KLF8: variants seen among roughly 807,000 people sequenced by gnomAD.
KLF8 encodes KLF transcription factor 8, also known as Krueppel-like factor 8.
In KLF8, 10 loss-of-function variants were observed where a neutral mutation model predicts 18.2. The observed-to-expected ratio is 0.55, with a 90% CI of 0.34 to 0.93. The LOEUF (loss-of-function observed/expected upper bound fraction) is 0.93. Ranked by LOEUF, KLF8 falls within the 40% of genes least tolerant of loss-of-function variation. The probability of loss-of-function intolerance (pLI) is 0.02; values close to 1 mark genes in which losing one functional copy is unlikely to be tolerated. For missense variants in KLF8, 264 were observed against 277.9 expected (o/e 0.95, Z 0.36); for synonymous variants, 109 against 97.3 (o/e 1.12, Z -0.71).
intron 1 of KLF8, chrX:56,243,263 C>T (rs780595390): frequency 5.1e-4 from 218 of 430,788 alleles, no homozygotes; most frequent in African/African-American, 4.7e-3. Context: ...TGACTTGGGC[C>T]GCTGGAAGGT....
chrX:56,095,833 C>T, the KLF8 span, among the ~76,000 whole-genome samples: 13 of 111,344 alleles, frequency 1.2e-4, no homozygotes, highest in Admixed American at 1.1e-3. Flanking sequence ...AAAAGGAATA[C>T]TTATACTCTG....
the KLF8 span, chrX:55,962,225 AGCATG>A: frequency 1.7e-5 from 3 of 175,609 alleles, no homozygotes; most frequent in Admixed American, 1.9e-4. Context: ...AGAAGTGAAA[AGCATG>A]GCCAACCACA....
chrX:56,086,833 A>G, the KLF8 span, among the ~76,000 whole-genome samples: 1 of 111,249 alleles, frequency 9.0e-6, no homozygotes, highest in Non-Finnish European at 1.9e-5. Flanking sequence ...GGCAATCAGC[A>G]CTAAGATGTA....
the KLF8 span, among the ~76,000 whole-genome samples, chrX:55,945,237 A>C: frequency 4.5e-5 from 5 of 110,072 alleles, no homozygotes; most frequent in African/African-American, 1.7e-4. Context: ...TGGTGAGGAG[A>C]GCTTTACTTC....
At chrX:56,275,675 C>T (rs1047126002) in intron 5 of KLF8, among the ~76,000 whole-genome samples, 3 of 112,117 alleles carry the variant, frequency 2.7e-5, no homozygotes, top group African/African-American at 9.7e-5. Context: ...TTCTCCTACA[C>T]CCAGTCTTCT....
the KLF8 span, among the ~76,000 whole-genome samples, chrX:56,118,758 C>A: frequency 9.0e-6 from 1 of 111,718 alleles, no homozygotes; most frequent in East Asian, 2.8e-4. Context: ...AAAATTTTGC[C>A]AATAATAATG....
chrX:56,178,233 AGT>A, the KLF8 span, among the ~76,000 whole-genome samples: 2 of 112,807 alleles, frequency 1.8e-5, no homozygotes, highest in Admixed American at 9.4e-5. Context: ...TCTGATGGCC[AGT>A]GATGATGAGC....
the KLF8 span, among the ~76,000 whole-genome samples, chrX:55,978,210 G>T: frequency 1.1e-4 from 12 of 110,518 alleles, no homozygotes; most frequent in African/African-American, 3.9e-4. Flanking sequence ...CCGTTTTGTG[G>T]CTTTTCAATT....
At chrX:56,203,743 T>C in the KLF8 span, among the ~76,000 whole-genome samples, 1 of 111,835 alleles carries the variant, frequency 8.9e-6, no homozygotes, top group Non-Finnish European at 1.9e-5. Context: ...TGTAGATGTG[T>C]GGATTTTTTT....
chrX:55,946,116 A>G, the KLF8 span, among the ~76,000 whole-genome samples: 1 of 111,882 alleles, frequency 8.9e-6, no homozygotes, highest in East Asian at 2.8e-4. Context: ...TACTTTCTTT[A>G]CAGAATTGGA....
the KLF8 span, among the ~76,000 whole-genome samples, chrX:56,009,810 G>A: frequency 1.2e-4 from 13 of 112,228 alleles, no homozygotes; most frequent in African/African-American, 4.2e-4. Context: ...ACTTCACAAT[G>A]CAACCACAAA....
chrX:55,996,450 A>T, the KLF8 span, among the ~76,000 whole-genome samples: 1 of 112,084 alleles, frequency 8.9e-6, no homozygotes, highest in Admixed American at 9.4e-5. Context: ...TTTTTGAGTC[A>T]TCAGAATTCT....
At chrX:55,941,105 C>T in the KLF8 span, among the ~76,000 whole-genome samples, 1 of 111,491 alleles carries the variant, frequency 9.0e-6, no homozygotes, top group Non-Finnish European at 1.9e-5. Context: ...GGAGGCATGA[C>T]CTGACTTCAA....
At chrX:55,957,650 C>T in the KLF8 span, among the ~76,000 whole-genome samples, 1 of 111,718 alleles carries the variant, frequency 9.0e-6, no homozygotes, top group Non-Finnish European at 1.9e-5. Context: ...ATTGTTGATG[C>T]TATTGTAAAT....
the KLF8 span, chrX:56,014,826 T>TG: frequency 5.2e-5 from 5 of 96,434 alleles, no homozygotes; most frequent in Non-Finnish European, 8.3e-5. Context: ...TGTTTTTTTT[T>TG]TTTTTTTTTT....
At chrX:56,114,650 T>C in the KLF8 span, among the ~76,000 whole-genome samples, 1 of 112,798 alleles carries the variant, frequency 8.9e-6, no homozygotes, top group Non-Finnish European at 1.9e-5. Flanking sequence ...ATGCCTGGGC[T>C]AAATCAAATA....
At chrX:56,184,578 C>T in the KLF8 span, among the ~76,000 whole-genome samples, 1 of 112,093 alleles carries the variant, frequency 8.9e-6, no homozygotes, top group Non-Finnish European at 1.9e-5. Context: ...TCCTCAAGTG[C>T]GTCCCTGACC....
chrX:56,230,635 G>C (rs1382388062), upstream of KLF8, among the ~76,000 whole-genome samples: 1 of 111,743 alleles, frequency 8.9e-6, no homozygotes, highest in Non-Finnish European at 1.9e-5. Context: ...TCTGTAAAAT[G>C]GGGATAGCAA....
At position 56,287,107 on chromosome X, in the gene KLF8, A is replaced by G. The variant is rs1318620101; in HGVS notation, c.*2613A>G. On this transcript the variant is annotated 3_prime_UTR_variant, in exon 6 of 6. Transcript: ENST00000468660. ...AGGTTATCAAATATCTTGTTGAACT[A>G]ATTAGGTTGATCAAATTAGGATCCC... The G allele has an allele frequency of 8.9e-6, 1 of 111,916 alleles. No individual in the cohort carries two copies. Among genetic ancestry groups the G allele is most frequent in the East Asian group, 2.8e-4 (1 of 3,572 alleles). 9.2% of individuals were successfully genotyped at this position (111,916 alleles called of 1,213,427 possible).
Sources: gnomAD v4.1 joint callset for allele counts (sites outside exome capture counted in the v4.1 genomes callset) on GRCh38, gnomAD v4.1.1 for gene constraint, MANE v1.5 for transcripts, NCBI Gene and HGNC (gene_info 2026-07-23, HGNC 2026-07-21) for gene names.